Variants in PUS7L observed in about 807,000 individuals in gnomAD.
PUS7L encodes the protein pseudouridine synthase 7 like.
A neutral mutation model predicts 51.1 loss-of-function variants in PUS7L; 49 were observed. The ratio of observed to expected loss-of-function variants is 0.96; its 90% CI spans 0.76 to 1.22. PUS7L has a LOEUF of 1.22. Ranked by LOEUF, PUS7L falls within the 50% of genes most tolerant of loss-of-function variation. The pLI is 0.00. For missense variants in PUS7L, 828 were observed against 820.6 expected, an observed-to-expected ratio of 1.01 and a Z score of -0.11; for synonymous variants, 277 against 276.2, an observed-to-expected ratio of 1.00 and a Z score of -0.03.
intron 4 of PUS7L, among the ~76,000 whole-genome samples, chr12:43,744,642 A>G (rs74928789): frequency 0.018 from 2,810 of 152,328 alleles, 57 homozygotes; most frequent in South Asian, 0.071. Context: ...ACTTCCATAT[A>G]CAGATGAAAG....
intron 6 of PUS7L, among the ~76,000 whole-genome samples, chr12:43,737,410 C>A (rs989934188): frequency 2.6e-5 from 4 of 151,574 alleles, no homozygotes; most frequent in Non-Finnish European, 5.9e-5. Context: ...TACTTTCCTG[C>A]GAATAGCTGC....
chr12:43,735,158 A>T (rs1016960538), intron 7 of PUS7L, among the ~76,000 whole-genome samples: 4 of 148,924 alleles, frequency 2.7e-5, no homozygotes, highest in Non-Finnish European at 4.5e-5. Context: ...TACTAAAAAT[A>T]AAAAAAAAAT....
chr12:43,754,266 C>T, intron 2 of PUS7L, 70 bp downstream of exon 2: 1 of 1,071,490 alleles, frequency 9.3e-7, no homozygotes. Context: ...CAAGTCTGTT[C>T]AATTCATTTT....
At chr12:43,756,928 T>A (rs1306417009) in intron 1 of PUS7L, among the ~76,000 whole-genome samples, 2 of 152,166 alleles carry the variant, frequency 1.3e-5, no homozygotes, top group Non-Finnish European at 2.9e-5. Flanking sequence ...TGCAATAAAA[T>A]CCAAATTACT....
intron 3 of PUS7L, among the ~76,000 whole-genome samples, chr12:43,747,491 C>T (rs1045492802): frequency 3.3e-5 from 5 of 152,010 alleles, no homozygotes; most frequent in South Asian, 2.1e-4. Context: ...GTCAGGAGTT[C>T]GAGACCAGCC....
chr12:43,741,908 TTCC>T, intron 5 of PUS7L, among the ~76,000 whole-genome samples: 1 of 152,310 alleles, frequency 6.6e-6, no homozygotes, highest in South Asian at 2.1e-4. Flanking sequence ...TTTTATAGTT[TTCC>T]TCCATTATGT....
intron 7 of PUS7L, among the ~76,000 whole-genome samples, chr12:43,734,640 C>T (rs868254925): frequency 6.6e-6 from 1 of 152,174 alleles, no homozygotes; most frequent in Non-Finnish European, 1.5e-5. Flanking sequence ...GTTCTCACTA[C>T]AGACTACTTC....
At position 43,723,254 on chromosome 12, in the gene PUS7L, A is replaced by T. The variant is rs1223740581; in HGVS notation, c.*7122T>A. ...TGAATTGCTTAAGAAGATTAGAGTC[A>T]TTTTCTTTACTTAGAGGTATTCTTG... On this transcript the variant is annotated 3_prime_UTR_variant, in exon 9 of 9. Coordinates refer to ENST00000344862, the MANE Select transcript of PUS7L (RefSeq NM_031292.5). The T allele has an allele frequency of 1.3e-5, 2 of 152,114 alleles. No homozygotes were observed. Among genetic ancestry groups the T allele is most frequent in the Non-Finnish European group, 2.9e-5 (2 of 67,966 alleles). 9.4% of individuals were successfully genotyped at this position (152,114 alleles called of 1,614,324 possible). A position where few individuals can be genotyped will look rare whatever the true frequency, so the allele number is the denominator to read the frequency against.
At position 43,736,595 on chromosome 12, in the gene PUS7L, G is replaced by A. The variant is rs1944697731; in HGVS notation, c.1511C>T (p.Ala504Val). ...FKVRERALLE[A>V]LHRFGMTEEG... ...CTCGGTCATGCCAAAGCGGTGCAATGCCTCCAACAATGCTCTCTCACGCAC... is the reference window on the plus strand; with the variant it reads ...CTCGGTCATGCCAAAGCGGTGCAATACCTCCAACAATGCTCTCTCACGCAC... Residue 504 changes from alanine to valine, a missense_variant, in exon 7 of 9, where the codon GCA becomes GTA. Ala to Val is a moderately conservative substitution (Grantham distance 64). Coordinates refer to ENST00000344862, the MANE Select transcript of PUS7L (RefSeq NM_031292.5). The A allele has an allele frequency of 1.2e-6, 2 of 1,614,042 alleles. No homozygotes were observed. The highest frequency in any genetic ancestry group is 1.7e-6 in the Non-Finnish European group (2 of 1,179,992).
chr12:43,758,322 C>T, intron 1 of PUS7L: 1 of 985,522 alleles, frequency 1.0e-6, no homozygotes, highest in Non-Finnish European at 1.2e-6. Context: ...GGCGTTAAGC[C>T]TGAAGGTGCA....
chr12:43,741,067 A>G (rs1167365241), intron 5 of PUS7L: 1 of 152,206 alleles, frequency 6.6e-6, no homozygotes, highest in Non-Finnish European at 1.5e-5. Context: ...GTTGTCTTCA[A>G]CCACCACGTT....
At chr12:43,740,095 T>G (rs531023866) in intron 5 of PUS7L, among the ~76,000 whole-genome samples, 64 of 152,272 alleles carry the variant, frequency 4.2e-4, no homozygotes, top group Non-Finnish European at 7.2e-4. Flanking sequence ...ATTGCCAAAA[T>G]CTTAATGAAA....
intron 3 of PUS7L, among the ~76,000 whole-genome samples, chr12:43,746,655 A>G (rs542140226): frequency 2.0e-5 from 3 of 152,188 alleles, no homozygotes; most frequent in African/African-American, 7.2e-5. Flanking sequence ...CCACTTCCTT[A>G]CTCAAACTTT....
At chr12:43,757,728 T>C (rs4251419) in intron 1 of PUS7L, among the ~76,000 whole-genome samples, 1,952 of 152,328 alleles carry the variant, frequency 0.013, 42 homozygotes, top group African/African-American at 0.044. Flanking sequence ...AAGTGGAAGA[T>C]AATTAGAAGA....
At position 43,721,096 on chromosome 12, in the gene PUS7L, T is replaced by C. The variant is rs1053855196; in HGVS notation, c.*9280A>G. 3 of 152,160 alleles carry C rather than the reference T, an allele frequency of 2.0e-5. No individual in the cohort carries two copies. The highest frequency in any genetic ancestry group is 4.8e-5 in the African/African-American group (2 of 41,432). The allele number at this position is 152,160 out of a possible 1,614,324, so 9.4% of individuals were successfully genotyped here. On this transcript the variant is annotated 3_prime_UTR_variant, in exon 9 of 9. Transcript: ENST00000344862. Reference sequence around the variant, plus strand: ...TTAATGTCATAAAGTTTTAGAAATATGCAGATAAATTCAGAGATAAGCAGA... The same window carrying C: ...TTAATGTCATAAAGTTTTAGAAATACGCAGATAAATTCAGAGATAAGCAGA...
rs1227592527 is a variant in PUS7L at position 43,726,742 on chromosome 12, G to A, written c.*3634C>T. ...ACTTGAGAGGCTGGGGCAGGAGAATGGCTTGAACCCAGGAGGAGGAGGTTG... is the reference window on the plus strand; with the variant it reads ...ACTTGAGAGGCTGGGGCAGGAGAATAGCTTGAACCCAGGAGGAGGAGGTTG... On this transcript the variant is annotated 3_prime_UTR_variant, in exon 9 of 9. Transcript: ENST00000344862. 6.6e-6 allele frequency: 1 copy of A among 151,818 alleles called. No homozygotes were observed. Among genetic ancestry groups the A allele is most frequent in the Non-Finnish European group, 1.5e-5 (1 of 67,966 alleles). The allele number at this position is 151,818 out of a possible 1,614,324, so 9.4% of individuals were successfully genotyped here. A position where few individuals can be genotyped will look rare whatever the true frequency, so the allele number is the denominator to read the frequency against.
chr12:43,748,582 T>C lies in PUS7L; in HGVS notation c.938A>G (p.Glu313Gly). 6.3e-7 allele frequency: 1 copy of C among 1,589,626 alleles called. No homozygotes were observed. Among genetic ancestry groups the C allele is most frequent in the Non-Finnish European group, 8.5e-7 (1 of 1,174,090 alleles). The change falls in exon 3 of 9, where the codon GAA becomes GGA. Residue 313 changes from glutamate to glycine, a missense_variant. Transcript: ENST00000344862. Reference sequence around the variant, plus strand: ...TAAAAAACCAATCGCTTCAAACATTTCCAGGTTTTCCTTTCGTAGGGTAAA... The same window carrying C: ...TAAAAAACCAATCGCTTCAAACATTCCCAGGTTTTCCTTTCGTAGGGTAAA... ...TAFTLRKENL[E>G]MFEAIGFLAI... is the part of the protein sequence containing the mutation.
Position 43,742,555 on chromosome 12 carries a change from T to A in PUS7L, c.1264A>T (p.Lys422Ter). 6.3e-7 allele frequency: 1 copy of A among 1,594,546 alleles called. No individual in the cohort carries two copies. Among genetic ancestry groups the A allele is most frequent in the Non-Finnish European group, 8.5e-7 (1 of 1,172,194 alleles). ...CCATAGTAATTCACAAAGCCTTTTT[T>A]CTATGTATACAAAATAATCAACAAA... is the stretch of plus-strand genomic sequence containing the variant. ...RIMEAIENVK[K>*]KGFVNYYGPQ... The change falls in exon 5 of 9, where the codon AAA (lysine) becomes TAA (stop). Residue 422 changes from lysine (K) to a stop codon, truncating the protein, a stop_gained and splice_region_variant. Coordinates refer to ENST00000344862, the MANE Select transcript of PUS7L (RefSeq NM_031292.5). LOFTEE classifies it high-confidence loss of function.
chr12:43,757,036 T>C (rs1294327249), intron 1 of PUS7L, among the ~76,000 whole-genome samples: 1 of 152,240 alleles, frequency 6.6e-6, no homozygotes, highest in African/African-American at 2.4e-5. Flanking sequence ...CCAGCTACTC[T>C]GGCCTTCTTC....
Sources: gnomAD v4.1 joint callset for allele counts (sites outside exome capture counted in the v4.1 genomes callset) on GRCh38, gnomAD v4.1.1 for gene constraint, MANE v1.5 for transcripts, NCBI Gene and HGNC (gene_info 2026-07-23, HGNC 2026-07-21) for gene names.